EPN1: variants seen among roughly 807,000 people sequenced by gnomAD.
The protein encoded by EPN1 is epsin 1, also known as epsin-1.
Under a neutral mutation model 56.9 loss-of-function variants are expected in EPN1, and 25 were observed. The observed-to-expected ratio is 0.44, with a 90% confidence interval of 0.32 to 0.61. The LOEUF is 0.61. EPN1 is among the 20% of genes least tolerant of loss of function. The probability of loss-of-function intolerance (pLI) is 0.05; values close to 1 mark genes in which losing one functional copy is unlikely to be tolerated. For missense variants in EPN1, 785 were observed against 823.7 expected (o/e 0.95, Z 0.58); for synonymous variants, 411 against 361.8 (o/e 1.14, Z -1.54).
chr19:55,699,768 G>A lies in EPN1; in HGVS notation c.*4412G>A, dbSNP rs774237840. ...CCTGGGACAGCCCACGCTTCCACAG[G>A]GTTCCAGCATGCTTTCCGCCGAGAA... is the stretch of plus-strand genomic sequence containing the variant. On this transcript the variant is annotated 3_prime_UTR_variant, in exon 11 of 11. Transcript: ENST00000270460. 1 of 152,072 alleles carries A rather than the reference G, an allele frequency of 6.6e-6. No individual in the cohort carries two copies. The highest frequency in any genetic ancestry group is 1.5e-5 in the Non-Finnish European group (1 of 68,004). 9.4% of individuals were successfully genotyped at this position (152,072 alleles called of 1,614,324 possible).
At chr19:55,681,774 A>G (rs1012149471) in intron 2 of EPN1, among the ~76,000 whole-genome samples, 1 of 152,158 alleles carries the variant, frequency 6.6e-6, no homozygotes, top group Non-Finnish European at 1.5e-5. Flanking sequence ...CAGAAAAGCA[A>G]AGGAGAAATA....
rs1203472940 is a variant in EPN1, at chr19:55,706,258, CTTCCT to C, written c.*10906_*10910del. 7.2e-6 allele frequency: 1 copy of C among 138,146 alleles called. No homozygotes were observed. Among genetic ancestry groups the C allele is most frequent in the East Asian group, 2.1e-4 (1 of 4,718 alleles). 8.6% of individuals were successfully genotyped at this position (138,146 alleles called of 1,614,324 possible). A position where few individuals can be genotyped will look rare whatever the true frequency, so the allele number is the denominator to read the frequency against. On this transcript the variant is annotated 3_prime_UTR_variant, in exon 11 of 11. Coordinates refer to ENST00000270460, the MANE Select transcript of EPN1 (RefSeq NM_001130072.2). Reference sequence around the variant, plus strand: ...TTCTTCTCCTTTTTCCTCCTCTTTTCTTCCTTTCTTCTCTTTTTCTTCTTCTTTTT... The same window carrying C: ...TTCTTCTCCTTTTTCCTCCTCTTTTCTTCTTCTCTTTTTCTTCTTCTTTTT...
rs1986396198 is a variant in EPN1, at chr19:55,689,517, A to G, written c.678+146A>G. The G allele has an allele frequency of 1.5e-6, 1 of 662,986 alleles. No homozygotes were observed. The highest frequency in any genetic ancestry group is 2.7e-6 in the Non-Finnish European group (1 of 376,658). 41.1% of individuals were successfully genotyped at this position (662,986 alleles called of 1,614,324 possible). ...TTGAAACCTCAGTACCTTCAGCCGT[A>G]GGATGTAGGACCACAAGTCAGACAG... On this transcript the variant is annotated intron_variant, in intron 5 of 10. Transcript: ENST00000270460. This position sits in a 1 kb window ranked among gnomAD's most constrained non-coding sequence, Gnocchi z 5.7.
At position 55,698,354 on chromosome 19, in the gene EPN1, G is replaced by A. The variant is rs1264317834; in HGVS notation, c.*2998G>A. ...CCCAGAATTTCTCCCTGGGACAGGTGAAGCGATGGGGCGTGGGACATTCCT... is the reference window on the plus strand; with the variant it reads ...CCCAGAATTTCTCCCTGGGACAGGTAAAGCGATGGGGCGTGGGACATTCCT... On this transcript the variant is annotated 3_prime_UTR_variant, in exon 11 of 11. Transcript: ENST00000270460. 1 of 152,242 alleles carries A rather than the reference G, an allele frequency of 6.6e-6. No homozygotes were observed. Among genetic ancestry groups the A allele is most frequent in the Non-Finnish European group, 1.5e-5 (1 of 68,158 alleles). The allele number at this position is 152,242 out of a possible 1,614,324, so 9.4% of individuals were successfully genotyped here.
chr19:55,677,600 T>C, intron 1 of EPN1: 1 of 1,551,458 alleles, frequency 6.4e-7, no homozygotes, highest in Non-Finnish European at 8.7e-7. Flanking sequence ...CCTCTTGTGC[T>C]GAGCGAGCAC....
chr19:55,685,656 C>G lies in EPN1; in HGVS notation c.478+11C>G. Reference sequence around the variant, plus strand: ...CACAGACCGCCACGGGTGAGTCCCTCCCTGCGGCCCCTGACGGCCTAGAGT... The same window carrying G: ...CACAGACCGCCACGGGTGAGTCCCTGCCTGCGGCCCCTGACGGCCTAGAGT... On this transcript the variant is annotated intron_variant, in intron 3 of 10. Coordinates refer to ENST00000270460, the MANE Select transcript of EPN1 (RefSeq NM_001130072.2). The G allele has an allele frequency of 6.3e-7, 1 of 1,582,832 alleles. No homozygotes were observed. Among genetic ancestry groups the G allele is most frequent in the East Asian group, 2.3e-5 (1 of 43,074 alleles).
At chr19:55,686,044 G>T (rs1359430060) in intron 3 of EPN1, among the ~76,000 whole-genome samples, 2 of 152,222 alleles carry the variant, frequency 1.3e-5, no homozygotes, top group South Asian at 2.1e-4. Context: ...GCAGAGGGGG[G>T]CCTGGAAGAG....
At chr19:55,675,731 C>G (rs7247677) in intron 1 of EPN1, among the ~76,000 whole-genome samples, 6 of 151,974 alleles carry the variant, frequency 3.9e-5, no homozygotes, top group Non-Finnish European at 1.5e-5. Context: ...CCGGGTCTCT[C>G]TCTCCTCTGT....
intron 1 of EPN1, chr19:55,677,063 C>G: frequency 1.3e-6 from 2 of 1,515,928 alleles, no homozygotes; most frequent in South Asian, 2.5e-5. Context: ...GCTTTCTGGC[C>G]TGAGGTGGAA....
intron 2 of EPN1, among the ~76,000 whole-genome samples, chr19:55,682,788 G>A (rs969650727): frequency 6.8e-6 from 1 of 146,110 alleles, no homozygotes; most frequent in Non-Finnish European, 1.5e-5. Flanking sequence ...ACGGAGTCTC[G>A]CTGTGTTGCC....
chr19:55,678,831 C>G lies in EPN1; in HGVS notation c.204C>G (p.Gly68=). 5 of 1,612,592 alleles carry G rather than the reference C, an allele frequency of 3.1e-6. No individual in the cohort carries two copies. The highest frequency in any genetic ancestry group is 1.7e-4 in the Middle Eastern group (1 of 6,056). The part of the protein sequence containing the change: ...SMIWKRLNDH[G]KNWRHVYKAM... ...TCTGGAAGCGGCTCAATGACCATGG[C>G]AAGAACTGGCGTCACGTTTACAAGG... The change falls in exon 2 of 11, where the codon GGC becomes GGG. Residue 68 remains glycine (G), a synonymous_variant. Coordinates refer to ENST00000270460, the MANE Select transcript of EPN1 (RefSeq NM_001130072.2).
Position 55,695,124 on chromosome 19 carries a change from G to A in EPN1, c.1523-24G>A, listed in dbSNP as rs2122223451. On this transcript the variant is annotated intron_variant, in intron 10 of 10. Coordinates refer to ENST00000270460, the MANE Select transcript of EPN1 (RefSeq NM_001130072.2). The surrounding 1 kb of genome is among the most constrained non-coding windows in gnomAD (Gnocchi z 4.4). ...GGCTGCGCCACTGACTCCACTCCGT[G>A]TCTCTGGTTTACTCTTCCTGCAGGA... is the stretch of plus-strand genomic sequence containing the variant. 6.2e-7 allele frequency: 1 copy of A among 1,613,556 alleles called. No homozygotes were observed. The highest frequency in any genetic ancestry group is 2.2e-5 in the East Asian group (1 of 44,872).
chr19:55,695,712 C>A lies in EPN1; in HGVS notation c.*356C>A, dbSNP rs576167424. ...CCCGCTCACGCACCCTCGGTGAATC[C>A]TTGGTGATGATTTTGGCAACTTTGG... On this transcript the variant is annotated 3_prime_UTR_variant, in exon 11 of 11. Transcript: ENST00000270460. The surrounding 1 kb of genome is among the most constrained non-coding windows in gnomAD (Gnocchi z 4.4). 1 of 254,960 alleles carries A rather than the reference C, an allele frequency of 3.9e-6. No homozygotes were observed. The highest frequency in any genetic ancestry group is 7.5e-6 in the Non-Finnish European group (1 of 132,964). The allele number at this position is 254,960 out of a possible 1,614,324, so 15.8% of individuals were successfully genotyped here. A position where few individuals can be genotyped will look rare whatever the true frequency, so the allele number is the denominator to read the frequency against.
Position 55,704,462 on chromosome 19 carries a change from A to G in EPN1, c.*9106A>G, listed in dbSNP as rs370734520. ...ACCTTCATGTGAGGACGCCGGGAGA[A>G]GACAGCCGTCTGGGAGCCAAGGAGA... On this transcript the variant is annotated 3_prime_UTR_variant, in exon 11 of 11. Transcript: ENST00000270460. The G allele has an allele frequency of 3.9e-5, 6 of 152,366 alleles. 1 individual carries two copies. The East Asian group carries it at 5.8e-4, about 15-fold the overall frequency. The allele number at this position is 152,366 out of a possible 1,614,324, so 9.4% of individuals were successfully genotyped here. A position where few individuals can be genotyped will look rare whatever the true frequency, so the allele number is the denominator to read the frequency against.
chr19:55,702,769 G>A lies in EPN1; in HGVS notation c.*7413G>A, dbSNP rs980873404. On this transcript the variant is annotated 3_prime_UTR_variant, in exon 11 of 11. Coordinates refer to ENST00000270460, the MANE Select transcript of EPN1 (RefSeq NM_001130072.2). The stretch of plus-strand genomic sequence containing the variant: ...TGAATGCATTTATTCGTTCATCTAA[G>A]CCGCATTTACTCCTTTCTTTTCTTT... 4 of 151,120 alleles carry A rather than the reference G, an allele frequency of 2.6e-5. 1 individual carries two copies. Among genetic ancestry groups the A allele is most frequent in the Admixed American group, 2.6e-4 (4 of 15,140 alleles). The allele number at this position is 151,120 out of a possible 1,614,324, so 9.4% of individuals were successfully genotyped here.
chr19:55,703,544 G>C lies in EPN1; in HGVS notation c.*8188G>C, dbSNP rs188787497. On this transcript the variant is annotated 3_prime_UTR_variant, in exon 11 of 11. Transcript: ENST00000270460. ...TCACCACGTTGGCCAGGCTGGTCTG[G>C]AACTCCTGACCTCAGGTGATCCACC... 8 of 152,168 alleles carry C rather than the reference G, an allele frequency of 5.3e-5. No individual in the cohort carries two copies. Among genetic ancestry groups the C allele is most frequent in the African/African-American group, 1.9e-4 (8 of 41,500 alleles). The allele number at this position is 152,168 out of a possible 1,614,324, so 9.4% of individuals were successfully genotyped here.
In EPN1 at chr19:55,677,191, T is replaced by C. The variant is rs922666970; in HGVS notation, c.-101-1336T>C. 13 of 1,548,480 alleles carry C rather than the reference T, an allele frequency of 8.4e-6. No homozygotes were observed. The Admixed American group carries it at 9.8e-5, about 12-fold the overall frequency. ...GCATAGATGGGTGATCAGAGCTGGC[T>C]CTGGAACCAGGCTGCTCCAGGAGTA... On this transcript the variant is annotated intron_variant, in intron 1 of 10. Coordinates refer to ENST00000270460, the MANE Select transcript of EPN1 (RefSeq NM_001130072.2).
At chr19:55,681,083 C>T (rs1053111045) in intron 2 of EPN1, among the ~76,000 whole-genome samples, 4 of 152,224 alleles carry the variant, frequency 2.6e-5, no homozygotes, top group African/African-American at 9.7e-5. Flanking sequence ...CAGGCTGTCC[C>T]ACCCTGTGGC....
In EPN1 at chr19:55,707,247, C is replaced by T. The variant is rs1027395414; in HGVS notation, c.*11891C>T. On this transcript the variant is annotated 3_prime_UTR_variant, in exon 11 of 11. Coordinates refer to ENST00000270460, the MANE Select transcript of EPN1 (RefSeq NM_001130072.2). ...GTCCCAGCTACACAGGAGGCTGAGG[C>T]AGGAGCATCACTTGAACCCAGGAGT... is the stretch of plus-strand genomic sequence containing the variant. 2.6e-5 allele frequency: 4 copies of T among 151,752 alleles called. No homozygotes were observed. Among genetic ancestry groups the T allele is most frequent in the African/African-American group, 9.7e-5 (4 of 41,234 alleles). 9.4% of individuals were successfully genotyped at this position (151,752 alleles called of 1,614,324 possible).
Sources: allele counts gnomAD v4.1 joint callset (sites outside exome capture counted in the v4.1 genomes callset), GRCh38; gene constraint gnomAD v4.1.1; non-coding constraint Gnocchi (gnomAD v3.1); transcripts MANE v1.5; gene names NCBI Gene and HGNC (gene_info 2026-07-23, HGNC 2026-07-21).